The following APBB1IP variants were observed in gnomAD, a reference collection of about 807,000 sequenced individuals.
APBB1IP encodes the protein amyloid beta precursor protein binding family B member 1 interacting protein.
In APBB1IP, 27 loss-of-function variants were observed where a neutral mutation model predicts 64.9. The observed-to-expected ratio is 0.42, with a 90% CI of 0.31 to 0.57. The LOEUF is 0.57. Among genes scored for constraint, APBB1IP ranks in the 20% least tolerant of loss-of-function variants. The pLI, the probability that APBB1IP is intolerant of heterozygous loss-of-function variation, is 0.20. For missense variants in APBB1IP, 812 were observed against 845.5 expected, an observed-to-expected ratio of 0.96 and a Z score of 0.49; for synonymous variants, 392 against 331.0, an observed-to-expected ratio of 1.18 and a Z score of -2.00.
At chr10:26,468,108 C>T (rs1415840666) in intron 2 of APBB1IP, among the ~76,000 whole-genome samples, 1 of 152,140 alleles carries the variant, frequency 6.6e-6, no homozygotes, top group Non-Finnish European at 1.5e-5. Context: ...CCAACATCCA[C>T]AGTAAATGAA....
chr10:26,500,470 C>G (rs1564361861), intron 4 of APBB1IP, among the ~76,000 whole-genome samples: 1 of 152,166 alleles, frequency 6.6e-6, no homozygotes, highest in Non-Finnish European at 1.5e-5. Context: ...TTCTAAAACT[C>G]TAAGATGTTA....
At chr10:26,511,962 A>G (rs542443298) in intron 7 of APBB1IP, 56 bp downstream of exon 7, 3 of 1,579,164 alleles carry the variant, frequency 1.9e-6, no homozygotes, top group Non-Finnish European at 2.6e-6. Flanking sequence ...GGTTTGCTGT[A>G]TAATGGGCTT....
intron 2 of APBB1IP, among the ~76,000 whole-genome samples, chr10:26,451,693 C>A (rs1835467440): frequency 1.3e-5 from 2 of 152,170 alleles, no homozygotes; most frequent in African/African-American, 4.8e-5. Context: ...CATTTATCTT[C>A]CCTGCCTCTA....
At chr10:26,556,143 T>C (rs895003044) in intron 11 of APBB1IP, among the ~76,000 whole-genome samples, 1 of 152,212 alleles carries the variant, frequency 6.6e-6, no homozygotes, top group African/African-American at 2.4e-5. Flanking sequence ...CTTCTCTCTC[T>C]TTATGATCGG....
intron 2 of APBB1IP, among the ~76,000 whole-genome samples, chr10:26,476,446 C>CAAAAAAAAA (rs58548133): frequency 1.2e-4 from 9 of 78,192 alleles, no homozygotes; most frequent in African/African-American, 4.3e-4. Context: ...GACCCTGTCT[C>CAAAAAAAAA]AAAAAAAAAA....
intron 8 of APBB1IP, among the ~76,000 whole-genome samples, chr10:26,522,820 T>C (rs1836419358): frequency 6.6e-6 from 1 of 151,942 alleles, no homozygotes; most frequent in Non-Finnish European, 1.5e-5. Flanking sequence ...GCCAACATGA[T>C]GAAACCTTGT....
chr10:26,539,085 C>A (rs180949220), intron 10 of APBB1IP, among the ~76,000 whole-genome samples: 5 of 152,272 alleles, frequency 3.3e-5, no homozygotes, highest in African/African-American at 1.2e-4. Context: ...ATTAAAATAT[C>A]TTTAGAGAAA....
At chr10:26,478,473 G>A (rs1242856910) in intron 2 of APBB1IP, among the ~76,000 whole-genome samples, 1 of 152,056 alleles carries the variant, frequency 6.6e-6, no homozygotes, top group Non-Finnish European at 1.5e-5. Context: ...TTCACTTGAG[G>A]TCAGGAGTGG....
intron 10 of APBB1IP, among the ~76,000 whole-genome samples, chr10:26,540,959 C>T (rs1229831166): frequency 2.0e-5 from 3 of 149,616 alleles, no homozygotes; most frequent in Non-Finnish European, 3.0e-5. Context: ...AATGCTCAAT[C>T]GCAAAATCCA....
intron 2 of APBB1IP, among the ~76,000 whole-genome samples, chr10:26,460,235 C>A (rs1393225497): frequency 6.6e-6 from 1 of 152,126 alleles, no homozygotes; most frequent in African/African-American, 2.4e-5. Context: ...ATTTGCTAGT[C>A]AGAAACAATA....
intron 8 of APBB1IP, among the ~76,000 whole-genome samples, chr10:26,529,938 G>A (rs904421440): frequency 3.9e-5 from 6 of 152,174 alleles, no homozygotes; most frequent in African/African-American, 9.7e-5. Flanking sequence ...ACCGCACCCG[G>A]GTTTGGAGTC....
chr10:26,454,028 A>G (rs1835494167), intron 2 of APBB1IP, among the ~76,000 whole-genome samples: 1 of 152,250 alleles, frequency 6.6e-6, no homozygotes, highest in Non-Finnish European at 1.5e-5. Context: ...CTATTCAGCC[A>G]TGAAAAAGAA....
chr10:26,470,881 C>T lies in APBB1IP; in HGVS notation c.1-21446C>T, dbSNP rs541696538. Among the ~76,000 whole-genome samples the T allele has an allele frequency of 2.0e-4, 31 of 152,276 alleles. No individual in the cohort carries two copies. The South Asian group carries it at 6.2e-3, about 31-fold the overall frequency. ...ATTGCCCATAATCTCTCACCAACCT[C>T]AGCCTGCGTCCTTGCCCATCATCTG... On this transcript the variant is annotated intron_variant, in intron 2 of 14. Coordinates refer to ENST00000376236, the MANE Select transcript of APBB1IP (RefSeq NM_019043.4).
chr10:26,539,980 T>C (rs796592588), intron 10 of APBB1IP, among the ~76,000 whole-genome samples: 5 of 152,196 alleles, frequency 3.3e-5, no homozygotes, highest in African/African-American at 9.6e-5. Flanking sequence ...GCCTGGGAGC[T>C]TGGAATAGAA....
chr10:26,487,965 TA>T (rs1409130369), intron 2 of APBB1IP, among the ~76,000 whole-genome samples: 4 of 152,296 alleles, frequency 2.6e-5, no homozygotes, highest in Non-Finnish European at 5.9e-5. Context: ...ATTACTCTCA[TA>T]AAAAAATCTG....
At chr10:26,454,309 TG>T (rs1262670450) in intron 2 of APBB1IP, among the ~76,000 whole-genome samples, 1 of 151,728 alleles carries the variant, frequency 6.6e-6, no homozygotes, top group African/African-American at 2.4e-5. Flanking sequence ...GGCGTGGTGG[TG>T]GATGCCTGTA....
chr10:26,560,871 A>C, intron 13 of APBB1IP, 27 bp downstream of exon 13: 2 of 1,536,990 alleles, frequency 1.3e-6, no homozygotes, highest in Non-Finnish European at 1.8e-6. Flanking sequence ...AAATTCCAAC[A>C]CATATTCAAA....
At chr10:26,523,099 C>A (rs555906815) in intron 8 of APBB1IP, among the ~76,000 whole-genome samples, 14 of 151,524 alleles carry the variant, frequency 9.2e-5, no homozygotes, top group Non-Finnish European at 1.6e-4. Context: ...GAGCCATTTT[C>A]CCCCTGGTTA....
In APBB1IP at chr10:26,454,227, G is replaced by A. The variant is rs544485564; in HGVS notation, c.-1+15374G>A. Among the ~76,000 whole-genome samples the A allele has an allele frequency of 5.3e-5, 8 of 152,156 alleles. No homozygotes were observed. The South Asian group carries it at 1.7e-3, about 32-fold the overall frequency. On this transcript the variant is annotated intron_variant, in intron 2 of 14. Transcript: ENST00000376236. ...AGGCTGAGGCAGGTGAATCACTTGA[G>A]GTCAGGAATTCAAGACCAGCCTGGC...
Sources: allele counts gnomAD v4.1 joint callset (sites outside exome capture counted in the v4.1 genomes callset), GRCh38; gene constraint gnomAD v4.1.1; transcripts MANE v1.5; gene names NCBI Gene and HGNC (gene_info 2026-07-23, HGNC 2026-07-21).